CYP2R1: variants seen among roughly 807,000 people sequenced by gnomAD.
CYP2R1 encodes vitamin D 25-hydroxylase.
A neutral mutation model predicts 45.7 loss-of-function variants in CYP2R1; 40 were observed. That is an observed-to-expected ratio of 0.87 (90% confidence interval 0.68 to 1.14). CYP2R1 has a LOEUF of 1.14. CYP2R1 is among the 50% of genes most tolerant of loss of function. The pLI, the probability that CYP2R1 is intolerant of heterozygous loss-of-function variation, is 0.00. For missense variants in CYP2R1, 605 were observed against 602.6 expected (o/e 1.00, Z -0.04); for synonymous variants, 234 against 219.3 (o/e 1.07, Z -0.59).
At chr11:14,885,375 CA>C (rs1398848634) in intron 2 of CYP2R1, among the ~76,000 whole-genome samples, 1 of 151,976 alleles carries the variant, frequency 6.6e-6, no homozygotes, top group African/African-American at 2.4e-5. Context: ...GATTAGTAGT[CA>C]AAAAAGCTGC....
chr11:14,882,406 A>G (rs782536014), intron 2 of CYP2R1, among the ~76,000 whole-genome samples: 16 of 152,150 alleles, frequency 1.1e-4, no homozygotes, highest in Non-Finnish European at 1.6e-4. Flanking sequence ...CACTGCAGTT[A>G]GAGGTAACAG....
Position 14,878,310 on chromosome 11 carries a change from A to ATC in CYP2R1, c.1331-14_1331-13insGA, listed in dbSNP as rs781801893. The ATC allele has an allele frequency of 6.2e-7, 1 of 1,612,178 alleles. No homozygotes were observed. The highest frequency in any genetic ancestry group is 8.5e-7 in the Non-Finnish European group (1 of 1,178,854). Reference sequence around the variant, plus strand: ...CAATGTCTTCTTCCTAAACAGAAAAAGCAGATACAATAATTTTTTAAACCC... The same window carrying ATC: ...CAATGTCTTCTTCCTAAACAGAAAAATCGCAGATACAATAATTTTTTAAACCC... On this transcript the variant is annotated splice_polypyrimidine_tract_variant and intron_variant, in intron 4 of 4. Coordinates refer to ENST00000334636, the MANE Select transcript of CYP2R1 (RefSeq NM_024514.5).
intron 1 of CYP2R1, among the ~76,000 whole-genome samples, chr11:14,888,238 C>T (rs782267803): frequency 1.3e-4 from 20 of 152,146 alleles, no homozygotes; most frequent in Non-Finnish European, 1.5e-5. Context: ...CTGTCTTCCC[C>T]CAACTAGAAT....
In CYP2R1 at chr11:14,880,465, G is replaced by A. The variant is rs1555011740; in HGVS notation, c.671C>T (p.Ala224Val). The A allele has an allele frequency of 3.7e-6, 6 of 1,613,440 alleles. No individual in the cohort carries two copies. The highest frequency in any genetic ancestry group is 4.2e-6 in the Non-Finnish European group (5 of 1,179,682). ...AAAGGCATTATACAAGAAGACTGAG[G>A]CACTGGCAGCTAGTTCCACATTTTC... The part of the protein sequence containing the change: ...FSENVELAAS[A>V]SVFLYNAFPW... The change falls in exon 3 of 5, where the codon GCC becomes GTC. Residue 224 changes from alanine (A) to valine (V), a missense_variant. Transcript: ENST00000334636.
At position 14,880,572 on chromosome 11, in the gene CYP2R1, T is replaced by C. The variant is rs782640540; in HGVS notation, c.564A>G (p.Ser188=). 2 of 1,613,400 alleles carry C rather than the reference T, an allele frequency of 1.2e-6. No homozygotes were observed. Among genetic ancestry groups the C allele is most frequent in the South Asian group, 2.2e-5 (2 of 91,066 alleles). The change falls in exon 3 of 5, where the codon TCA becomes TCG. Residue 188 remains serine (S), a synonymous_variant. Transcript: ENST00000334636. ...CAAAAATGATCAGATTGGTTATGTT[T>C]GAAACAGCATTCGTTATTAACTGTT... ...DFKQLITNAV[S]NITNLIIFGE... is the part of the protein sequence containing the mutation.
Position 14,877,824 on chromosome 11 carries a change from T to G in CYP2R1, c.*298A>C. 3.1e-6 allele frequency: 1 copy of G among 317,588 alleles called. No individual in the cohort carries two copies. The highest frequency in any genetic ancestry group is 5.5e-5 in the South Asian group (1 of 18,240). The allele number at this position is 317,588 out of a possible 1,614,324, so 19.7% of individuals were successfully genotyped here. On this transcript the variant is annotated 3_prime_UTR_variant, in exon 5 of 5. Transcript: ENST00000334636. ...GTCAAGAAGGGATGAAAGTACCTGG[T>G]ACTAAACAAGATGCTCAGCTTAGGG...
At chr11:14,882,972 A>G (rs1350800276) in intron 2 of CYP2R1, among the ~76,000 whole-genome samples, 1 of 152,190 alleles carries the variant, frequency 6.6e-6, no homozygotes, top group Non-Finnish European at 1.5e-5. Flanking sequence ...AATCCAACTT[A>G]CAAGGGATGT....
At chr11:14,884,648 T>C (rs952750820) in intron 2 of CYP2R1, among the ~76,000 whole-genome samples, 12 of 151,770 alleles carry the variant, frequency 7.9e-5, no homozygotes, top group Non-Finnish European at 1.5e-4. Flanking sequence ...AACCTGCAAA[T>C]TGTGCACCTG....
In CYP2R1 at chr11:14,880,211, T is replaced by C. The variant is rs1555011501; in HGVS notation, c.925A>G (p.Ile309Val). ...NLIFSVGELI[I>V]AGTETTTNVL... ...TTGGTTGTAGTTTCAGTTCCAGCAA[T>C]GATGAGTTCACCCACTGAGAAAATT... is the stretch of plus-strand genomic sequence containing the variant. The change falls in exon 3 of 5, where the codon ATT becomes GTT. Residue 309 changes from isoleucine (I) to valine (V), a missense_variant. Physicochemically the swap from Ile to Val is conservative, Grantham distance 29. Coordinates refer to ENST00000334636, the MANE Select transcript of CYP2R1 (RefSeq NM_024514.5). 1 of 1,613,046 alleles carries C rather than the reference T, an allele frequency of 6.2e-7. No homozygotes were observed. The highest frequency in any genetic ancestry group is 8.5e-7 in the Non-Finnish European group (1 of 1,179,360).
Position 14,880,425 on chromosome 11 carries a change from G to C in CYP2R1, c.711C>G (p.Ile237Met), listed in dbSNP as rs782516387. Residue 237 changes from isoleucine to methionine, a missense_variant, in exon 3 of 5, where the codon ATC becomes ATG. Transcript: ENST00000334636. Reference protein sequence around the residue: ...FLYNAFPWIGILPFGKHQQLF... With the variant: ...FLYNAFPWIGMLPFGKHQQLF... ...GCTGTTGATGTTTTCCAAAAGGCAGGATGCCAATCCATGGAAAGGCATTAT... is the reference window on the plus strand; with the variant it reads ...GCTGTTGATGTTTTCCAAAAGGCAGCATGCCAATCCATGGAAAGGCATTAT... The C allele has an allele frequency of 6.2e-7, 1 of 1,613,446 alleles. No homozygotes were observed.
intron 1 of CYP2R1, 173 bp downstream of exon 1, chr11:14,891,808 C>G (rs1848868991): frequency 1.4e-6 from 2 of 1,419,564 alleles, no homozygotes; most frequent in East Asian, 2.6e-5. Flanking sequence ...GGCACGGCGT[C>G]GAGGACTTCT....
At position 14,892,219 on chromosome 11, in the gene CYP2R1, A is replaced by C; in HGVS notation, c.-14T>G. 1 of 1,607,096 alleles carries C rather than the reference A, an allele frequency of 6.2e-7. No individual in the cohort carries two copies. Among genetic ancestry groups the C allele is most frequent in the Non-Finnish European group, 8.5e-7 (1 of 1,178,822 alleles). ...AAGCTTCCACATCGGCCCGAGCTGGAGGTGCGAACTCCACAGCAGCCCTGA... is the reference window on the plus strand; with the variant it reads ...AAGCTTCCACATCGGCCCGAGCTGGCGGTGCGAACTCCACAGCAGCCCTGA... On this transcript the variant is annotated 5_prime_UTR_variant, in exon 1 of 5. Coordinates refer to ENST00000334636, the MANE Select transcript of CYP2R1 (RefSeq NM_024514.5).
chr11:14,892,368 C>A (rs1023337181), upstream of CYP2R1: 10 of 674,592 alleles, frequency 1.5e-5, no homozygotes, highest in East Asian at 1.1e-4. Flanking sequence ...CAACTACCTT[C>A]TAGTTTTGCG....
In CYP2R1 at chr11:14,880,251, G is replaced by T. The variant is rs145638214; in HGVS notation, c.885C>A (p.Phe295Leu). 3.7e-6 allele frequency: 6 copies of T among 1,612,884 alleles called. No individual in the cohort carries two copies. Among genetic ancestry groups the T allele is most frequent in the Non-Finnish European group, 5.1e-6 (6 of 1,179,382 alleles). ...DQGKNDPSST[F>L]SKENLIFSVG... ...CTGAGAAAATTAGGTTTTCTTTGGA[G>T]AAAGTAGATGATGGGTCATTTTTAC... The change falls in exon 3 of 5, where the codon TTC (phenylalanine) becomes TTA (leucine). Residue 295 changes from phenylalanine (F) to leucine (L), a missense_variant. Physicochemically the swap from Phe to Leu is conservative, Grantham distance 22. Transcript: ENST00000334636.
chr11:14,880,391 TTC>T lies in CYP2R1; in HGVS notation c.743_744del (p.Arg248LysfsTer7), dbSNP rs1555011657. On this transcript the variant is annotated frameshift_variant, in exon 3 of 5. Coordinates refer to ENST00000334636, the MANE Select transcript of CYP2R1 (RefSeq NM_024514.5). LOFTEE classifies it high-confidence loss of function. The stretch of plus-strand genomic sequence containing the variant: ...AGAAAATCATAGACTACAGCTGCAT[TTC>T]TAAACAGCTGTTGATGTTTTCCAAA... Reference protein sequence around the residue: ...LPFGKHQQLFRNAAVVYDFLS... With the variant: ...LPFGKHQQLFXNAAVVYDFLS... 1 of 1,613,396 alleles carries T rather than the reference TTC, an allele frequency of 6.2e-7. No homozygotes were observed. The highest frequency in any genetic ancestry group is 8.5e-7 in the Non-Finnish European group (1 of 1,179,638).
chr11:14,888,699 C>T (rs1176579241), intron 1 of CYP2R1, among the ~76,000 whole-genome samples: 1 of 152,168 alleles, frequency 6.6e-6, no homozygotes, highest in East Asian at 1.9e-4. Flanking sequence ...TGCTAAATTA[C>T]AAACTCCTTA....
At chr11:14,884,523 G>A (rs1555013661) in intron 2 of CYP2R1, among the ~76,000 whole-genome samples, 1 of 129,344 alleles carries the variant, frequency 7.7e-6, no homozygotes, top group South Asian at 2.9e-4. Flanking sequence ...CACACTCTGG[G>A]GACTGTTGTG....
chr11:14,879,288 C>T lies in CYP2R1; in HGVS notation c.1156G>A (p.Asp386Asn). ...PLGIFHATSE[D>N]AVVRGYSIPK... is the part of the protein sequence containing the mutation. ...ATGGAATAACCACGTACAACTGCAT[C>T]TTCAGAGGTTGCATGGAAAATCCCT... is the stretch of plus-strand genomic sequence containing the variant. Residue 386 changes from aspartate to asparagine, a missense_variant, in exon 4 of 5, where the codon GAT becomes AAT. Asp to Asn is a conservative substitution (Grantham distance 23). Transcript: ENST00000334636. 6.2e-7 allele frequency: 1 copy of T among 1,613,300 alleles called. No homozygotes were observed. Among genetic ancestry groups the T allele is most frequent in the Non-Finnish European group, 8.5e-7 (1 of 1,179,544 alleles).
At chr11:14,886,126 T>G in intron 1 of CYP2R1, 3 of 576,594 alleles carry the variant, frequency 5.2e-6, no homozygotes, top group Non-Finnish European at 9.3e-6. Context: ...ATTCAGTGCC[T>G]AAAGTCACAG....
Sources: gnomAD v4.1 joint callset for allele counts (sites outside exome capture counted in the v4.1 genomes callset) on GRCh38, gnomAD v4.1.1 for gene constraint, MANE v1.5 for transcripts, NCBI Gene and HGNC (gene_info 2026-07-23, HGNC 2026-07-21) for gene names.